The following ZPLD1 variants were observed in gnomAD, a reference collection of about 807,000 sequenced individuals.
ZPLD1 encodes the protein zona pellucida like domain containing 1, also known as zona pellucida-like domain-containing protein 1.
In ZPLD1, 34 loss-of-function variants were observed where a neutral mutation model predicts 47.2. The ratio of observed to expected loss-of-function variants is 0.72; its 90% confidence interval spans 0.55 to 0.96. ZPLD1 has a LOEUF of 0.96. Among genes scored for constraint, ZPLD1 ranks in the 40% least tolerant of loss-of-function variants. The probability of loss-of-function intolerance (pLI) is 0.00; values close to 1 mark genes in which losing one functional copy is unlikely to be tolerated. For missense variants in ZPLD1, 512 were observed against 505.8 expected, an observed-to-expected ratio of 1.01 and a Z score of -0.12; for synonymous variants, 176 against 186.2, an observed-to-expected ratio of 0.95 and a Z score of 0.45.
Position 102,477,003 on chromosome 3 carries a change from T to TC in ZPLD1, c.1043-5dup, listed in dbSNP as rs773527513. The TC allele has an allele frequency of 6.2e-7, 1 of 1,613,350 alleles. No individual in the cohort carries two copies. Among genetic ancestry groups the TC allele is most frequent in the Non-Finnish European group, 8.5e-7 (1 of 1,179,464 alleles). On this transcript the variant is annotated splice_polypyrimidine_tract_variant and intron_variant, in intron 10 of 11. Transcript: ENST00000466937. ...ATGTCACTTCTCTTTTTCTGTTTTT[T>TC]CCCCTCAGATGAGACTCCAACCAAC... is the stretch of plus-strand genomic sequence containing the variant.
rs372558798 is a variant in ZPLD1 at position 102,462,249 on chromosome 3, T to G, written c.583-32T>G. The G allele has an allele frequency of 5.1e-6, 7 of 1,385,622 alleles. No individual in the cohort carries two copies. The African/African-American group carries it at 8.6e-5, about 17-fold the overall frequency. The allele number at this position is 1,385,622 out of a possible 1,614,324, so 85.8% of individuals were successfully genotyped here. On this transcript the variant is annotated intron_variant, in intron 6 of 11. Transcript: ENST00000466937. ...AGTAAGTGTGCTGTTGTTGGGGAGG[T>G]AATAATAGATTTTTTATTGTTTCAT...
upstream of ZPLD1, among the ~76,000 whole-genome samples, chr3:102,433,082 A>C (rs1428675830): frequency 6.6e-6 from 1 of 152,214 alleles, no homozygotes; most frequent in Non-Finnish European, 1.5e-5. Flanking sequence ...ATATGCAATA[A>C]AAATTTTTCT....
chr3:102,439,084 C>G (rs1448173950), intron 3 of ZPLD1, among the ~76,000 whole-genome samples: 2 of 152,106 alleles, frequency 1.3e-5, no homozygotes, highest in African/African-American at 4.8e-5. Context: ...GTGACAAATA[C>G]GAGATTTGGC....
rs533659818 is a variant in ZPLD1, at chr3:102,455,673, G to T, written c.328-520G>T. Among the ~76,000 whole-genome samples the T allele has an allele frequency of 2.6e-5, 4 of 152,334 alleles. No individual in the cohort carries two copies. The East Asian group carries it at 7.7e-4, about 29-fold the overall frequency. Reference sequence around the variant, plus strand: ...GATGGCTGAGGGAACTGCCCAGCGAGCAGGCTGCTCTTCCTCTGCCTACTA... The same window carrying T: ...GATGGCTGAGGGAACTGCCCAGCGATCAGGCTGCTCTTCCTCTGCCTACTA... On this transcript the variant is annotated intron_variant, in intron 4 of 11. Coordinates refer to ENST00000466937, the MANE Select transcript of ZPLD1 (RefSeq NM_001329788.2).
intron 6 of ZPLD1, among the ~76,000 whole-genome samples, chr3:102,459,228 T>C (rs1158447810): frequency 1.3e-5 from 2 of 152,238 alleles, no homozygotes; most frequent in African/African-American, 4.8e-5. Flanking sequence ...TTATATAACT[T>C]TAAACTGGAA....
In ZPLD1 at chr3:102,462,359, G is replaced by A; in HGVS notation, c.661G>A (p.Ala221Thr). ...LKTKVFAAVQ[A>T]TNLDGRWNVL... ...AACCAAAGTATTTGCAGCTGTCCAA[G>A]CCACTAATTTGGATGGCAGGTAATT... is the stretch of plus-strand genomic sequence containing the variant. Residue 221 changes from alanine (A) to threonine (T), a missense_variant, in exon 7 of 12, where the codon GCC becomes ACC. Transcript: ENST00000466937. The A allele has an allele frequency of 6.2e-7, 1 of 1,609,140 alleles. No individual in the cohort carries two copies. Among genetic ancestry groups the A allele is most frequent in the Non-Finnish European group, 8.5e-7 (1 of 1,177,762 alleles).
intron 3 of ZPLD1, among the ~76,000 whole-genome samples, chr3:102,451,866 CA>C (rs1478394228): frequency 2.0e-5 from 3 of 152,060 alleles, no homozygotes; most frequent in Non-Finnish European, 4.4e-5. Flanking sequence ...CATTTTACCC[CA>C]GTATTACCTC....
intron 11 of ZPLD1, 33 bp from the exon 12 acceptor site, chr3:102,477,410 C>A (rs1707774212): frequency 8.2e-6 from 13 of 1,592,892 alleles, no homozygotes; most frequent in East Asian, 4.5e-5. Context: ...TTATATGGGG[C>A]CTTTACAACC....
intron 3 of ZPLD1, among the ~76,000 whole-genome samples, chr3:102,442,996 GT>G (rs1707204639): frequency 6.6e-6 from 1 of 152,150 alleles, no homozygotes; most frequent in Non-Finnish European, 1.5e-5. Flanking sequence ...GAATTATTTG[GT>G]TAAAGTAAAA....
At chr3:102,419,244 A>G (rs545261813) in intron 8 of ZPLD1, among the ~76,000 whole-genome samples, 2 of 152,102 alleles carry the variant, frequency 1.3e-5, no homozygotes, top group South Asian at 4.1e-4. Context: ...TTCAGTCACT[A>G]GCTTTCTCTC....
In ZPLD1 at chr3:102,401,948, C is replaced by T. The variant is rs757051888; in HGVS notation, c.-157+9723C>T. ...TAGATCTTTTAAAACCAGTTTTCACCAAAGTTAAACTTAGCAAACTAAGGC... is the reference window on the plus strand; with the variant it reads ...TAGATCTTTTAAAACCAGTTTTCACTAAAGTTAAACTTAGCAAACTAAGGC... On this transcript the variant is annotated intron_variant, in intron 7 of 17. Coordinates refer to the ZPLD1 transcript ENST00000491959. Among the ~76,000 whole-genome samples the T allele has an allele frequency of 1.4e-4, 21 of 151,918 alleles. 1 individual carries two copies. The highest frequency in any genetic ancestry group is 7.9e-4 in the Admixed American group (12 of 15,216).
intron 3 of ZPLD1, among the ~76,000 whole-genome samples, chr3:102,449,203 C>G (rs539067088): frequency 1.3e-5 from 2 of 152,292 alleles, no homozygotes; most frequent in African/African-American, 4.8e-5. Context: ...CTAGCTAACT[C>G]CTACTGATAC....
Position 102,470,486 on chromosome 3 carries a change from C to T in ZPLD1, c.1026C>T (p.Pro342=), listed in dbSNP as rs151186856. The T allele has an allele frequency of 5.3e-5, 86 of 1,613,878 alleles. No individual in the cohort carries two copies. In the African/African-American group the frequency reaches 9.5e-4, roughly 18 times the overall value. Residue 342 remains proline (P), a synonymous_variant, in exon 10 of 12, where the codon CCC becomes CCT. Coordinates refer to ENST00000466937, the MANE Select transcript of ZPLD1 (RefSeq NM_001329788.2). The part of the protein sequence containing the change: ...SSGSAVLSAG[P]IITRSDETPT... ...GCAGCGCGGTGCTCTCTGCTGGTCC[C>T]ATCATTACTCGGAGTGGTAAGTGTG... is the stretch of plus-strand genomic sequence containing the variant.
intron 7 of ZPLD1, among the ~76,000 whole-genome samples, chr3:102,411,265 G>T (rs1196654021): frequency 2.6e-5 from 4 of 151,724 alleles, no homozygotes; most frequent in Admixed American, 6.6e-5. Context: ...AAAACCCTTT[G>T]CCCAGCAAAA....
At position 102,456,190 on chromosome 3, in the gene ZPLD1, C is replaced by T. The variant is rs1707409911; in HGVS notation, c.328-3C>T. On this transcript the variant is annotated splice_region_variant and splice_polypyrimidine_tract_variant and intron_variant, in intron 4 of 11. Coordinates refer to ENST00000466937, the MANE Select transcript of ZPLD1 (RefSeq NM_001329788.2). ...CATTAAACTGCATCTAACATTCTAA[C>T]AGGTATCCACAATTCCTGGAGTCAG... The T allele has an allele frequency of 6.2e-7, 1 of 1,609,784 alleles. No homozygotes were observed. The highest frequency in any genetic ancestry group is 1.7e-5 in the Admixed American group (1 of 59,424).
intron 3 of ZPLD1, among the ~76,000 whole-genome samples, chr3:102,444,549 A>G (rs1266458737): frequency 6.6e-6 from 1 of 152,238 alleles, no homozygotes; most frequent in African/African-American, 2.4e-5. Context: ...CATATGTAGC[A>G]TCTGTTCTCT....
At chr3:102,401,107 G>GA (rs1205924869) in intron 7 of ZPLD1, among the ~76,000 whole-genome samples, 14 of 152,100 alleles carry the variant, frequency 9.2e-5, no homozygotes, top group African/African-American at 3.1e-4. Context: ...AGCCCTGAAG[G>GA]AAAAAAGCAT....
chr3:102,458,405 C>T (rs1707452646), intron 6 of ZPLD1, among the ~76,000 whole-genome samples: 1 of 152,116 alleles, frequency 6.6e-6, no homozygotes, highest in Non-Finnish European at 1.5e-5. Flanking sequence ...GTGAAAAATA[C>T]ATGGATTTCT....
chr3:102,395,361 C>A (rs1487551536), intron 7 of ZPLD1, among the ~76,000 whole-genome samples: 1 of 151,940 alleles, frequency 6.6e-6, no homozygotes, highest in Non-Finnish European at 1.5e-5. Flanking sequence ...TGGAATATCC[C>A]AGTAGGTCCA....
Sources: allele counts gnomAD v4.1 joint callset (sites outside exome capture counted in the v4.1 genomes callset), GRCh38; gene constraint gnomAD v4.1.1; transcripts MANE v1.5; gene names NCBI Gene and HGNC (gene_info 2026-07-23, HGNC 2026-07-21).